The following KSR2 variants were observed in gnomAD, a reference collection of about 807,000 sequenced individuals.
KSR2 encodes the protein kinase suppressor of ras 2.
In KSR2, 25 loss-of-function variants were observed where a neutral mutation model predicts 107.8. That is an observed-to-expected ratio of 0.23 (90% CI 0.17 to 0.32). KSR2 has a LOEUF of 0.32. Among genes scored for constraint, KSR2 ranks in the 10% least tolerant of loss-of-function variants. The pLI, the probability that KSR2 is intolerant of heterozygous loss-of-function variation, is 1.00. For synonymous variants in KSR2, 480 were observed against 507.0 expected (o/e 0.95, Z 0.71); for missense variants, 887 against 1,268.9 (o/e 0.70, Z 4.57).
chr12:117,924,753 G>C (rs115090689), intron 1 of KSR2, among the ~76,000 whole-genome samples: 1,867 of 152,182 alleles, frequency 0.012, 31 homozygotes, highest in African/African-American at 0.042. Context: ...AAAAACTTAA[G>C]AGACATATGA....
At chr12:117,634,101 G>A (rs112285841) in intron 5 of KSR2, among the ~76,000 whole-genome samples, 100 of 152,180 alleles carry the variant, frequency 6.6e-4, no homozygotes, top group African/African-American at 2.1e-3. Context: ...TGTGGTGGGC[G>A]ATCCATGACT....
chr12:117,873,436 C>G (rs1463672257), intron 1 of KSR2, among the ~76,000 whole-genome samples: 1 of 145,194 alleles, frequency 6.9e-6, no homozygotes, highest in African/African-American at 2.5e-5. Context: ...AGGCCTCATT[C>G]GTTCATTTAA....
At chr12:117,515,150 T>C (rs1407488324) in intron 14 of KSR2, among the ~76,000 whole-genome samples, 3 of 152,194 alleles carry the variant, frequency 2.0e-5, no homozygotes. Flanking sequence ...TTCCTCTCTC[T>C]ATTTCCATCA....
intron 4 of KSR2, among the ~76,000 whole-genome samples, chr12:117,672,844 T>C (rs994298384): frequency 6.6e-6 from 1 of 152,218 alleles, no homozygotes; most frequent in Non-Finnish European, 1.5e-5. Flanking sequence ...AGACTGGTCT[T>C]GAACTCCTGA....
intron 5 of KSR2, among the ~76,000 whole-genome samples, chr12:117,618,374 A>C (rs1030188797): frequency 9.2e-5 from 14 of 152,036 alleles, no homozygotes; most frequent in African/African-American, 3.4e-4. Context: ...CAGCAACATG[A>C]CATGCAGGAA....
At chr12:117,928,525 G>A (rs2137488134) in intron 1 of KSR2, among the ~76,000 whole-genome samples, 1 of 152,266 alleles carries the variant, frequency 6.6e-6, no homozygotes, top group Admixed American at 6.5e-5. Flanking sequence ...TGTGTCTATG[G>A]TATGGTATGG....
intron 3 of KSR2, among the ~76,000 whole-genome samples, chr12:117,820,653 A>G (rs977437945): frequency 2.6e-5 from 4 of 152,076 alleles, no homozygotes; most frequent in Non-Finnish European, 5.9e-5. Flanking sequence ...ACATCACCCA[A>G]CAACAAAGAC....
At chr12:117,585,276 C>T (rs905049625) in intron 5 of KSR2, among the ~76,000 whole-genome samples, 2 of 152,074 alleles carry the variant, frequency 1.3e-5, no homozygotes, top group Non-Finnish European at 2.9e-5. Context: ...ATCAAAAATC[C>T]CCCAGATGGT....
chr12:117,794,022 A>G lies in KSR2; in HGVS notation c.473-32498T>C, dbSNP rs372770395. ...TGCACACACACCAACATGCACACTC[A>G]CACCAACATGCACACACCAACATGC... On this transcript the variant is annotated intron_variant, in intron 3 of 19. Transcript: ENST00000339824. Among the ~76,000 whole-genome samples the G allele has an allele frequency of 9.3e-3, 346 of 37,070 alleles. 2 individuals carry two copies. The highest frequency in any genetic ancestry group is 0.024 in the Middle Eastern group (1 of 42). The allele number at this position is 37,070 out of a possible 152,430, so 24.3% of individuals were successfully genotyped here. A position where few individuals can be genotyped will look rare whatever the true frequency, so the allele number is the denominator to read the frequency against.
At chr12:117,749,922 G>A (rs1888550887) in intron 4 of KSR2, among the ~76,000 whole-genome samples, 1 of 151,982 alleles carries the variant, frequency 6.6e-6, no homozygotes, top group East Asian at 1.9e-4. Flanking sequence ...GGGGGTACTA[G>A]GTCAATGCTG....
At chr12:117,514,790 T>G (rs564965606) in intron 14 of KSR2, among the ~76,000 whole-genome samples, 4 of 152,164 alleles carry the variant, frequency 2.6e-5, no homozygotes, top group South Asian at 4.2e-4. Flanking sequence ...TCAAGAGATC[T>G]TCCCACCTTG....
intron 4 of KSR2, among the ~76,000 whole-genome samples, chr12:117,702,602 T>C (rs865848490): frequency 2.0e-5 from 3 of 152,206 alleles, no homozygotes; most frequent in Non-Finnish European, 2.9e-5. Context: ...ACAACTTCAG[T>C]GCCTATGGAT....
At chr12:117,894,191 G>C (rs1894436736) in intron 1 of KSR2, among the ~76,000 whole-genome samples, 1 of 152,052 alleles carries the variant, frequency 6.6e-6, no homozygotes, top group Non-Finnish European at 1.5e-5. Context: ...TTACAGGCGT[G>C]AGCCACCGGC....
chr12:117,549,411 G>A (rs530740868), intron 9 of KSR2, among the ~76,000 whole-genome samples: 18 of 152,126 alleles, frequency 1.2e-4, no homozygotes, highest in South Asian at 8.3e-4. Context: ...TAGATGCTCT[G>A]CAAAAAGATG....
intron 5 of KSR2, among the ~76,000 whole-genome samples, chr12:117,621,248 A>C (rs566983251): frequency 6.6e-6 from 1 of 152,222 alleles, no homozygotes; most frequent in Non-Finnish European, 1.5e-5. Flanking sequence ...TTCCCCTTCC[A>C]CCATAACTAA....
At chr12:117,537,534 A>G (rs996398865) in intron 10 of KSR2, among the ~76,000 whole-genome samples, 2 of 152,228 alleles carry the variant, frequency 1.3e-5, no homozygotes, top group South Asian at 2.1e-4. Flanking sequence ...GGTGGGTACT[A>G]TTATGATCTC....
chr12:117,801,619 C>T (rs1416604909), intron 3 of KSR2, among the ~76,000 whole-genome samples: 3 of 151,982 alleles, frequency 2.0e-5, no homozygotes, highest in African/African-American at 7.2e-5. Context: ...GGAGGAGGTC[C>T]CACGCACTTT....
intron 1 of KSR2, among the ~76,000 whole-genome samples, chr12:117,864,735 C>T (rs1213365763): frequency 6.6e-6 from 1 of 152,220 alleles, no homozygotes; most frequent in Non-Finnish European, 1.5e-5. Flanking sequence ...CTTCAATCTT[C>T]ACATAGCATT....
chr12:117,568,662 T>C (rs1242282296), intron 7 of KSR2, among the ~76,000 whole-genome samples: 1 of 152,088 alleles, frequency 6.6e-6, no homozygotes, highest in Non-Finnish European at 1.5e-5. Flanking sequence ...AGATCATGCA[T>C]GTAAAGTGTT....
Sources: allele counts gnomAD v4.1 joint callset (sites outside exome capture counted in the v4.1 genomes callset), GRCh38; gene constraint gnomAD v4.1.1; transcripts MANE v1.5; gene names NCBI Gene and HGNC (gene_info 2026-07-23, HGNC 2026-07-21).